SCOC: variants seen among roughly 807,000 people sequenced by gnomAD.
SCOC encodes short coiled coil protein.
SCOC carries 7 observed loss-of-function variants against 9.9 expected under a neutral mutation model. The observed-to-expected ratio is 0.71, with a 90% CI of 0.40 to 1.33. The LOEUF is 1.33. Among genes scored for constraint, SCOC ranks in the 40% most tolerant of loss-of-function variants. The probability of loss-of-function intolerance (pLI) is 0.01; values close to 1 mark genes in which losing one functional copy is unlikely to be tolerated. For synonymous variants in SCOC, 19 were observed against 28.2 expected (o/e 0.67, Z 1.03); for missense variants, 66 against 89.7 (o/e 0.74, Z 1.07).
intron 1 of SCOC, among the ~76,000 whole-genome samples, chr4:140,276,720 G>A (rs547208077): frequency 6.6e-6 from 1 of 152,178 alleles, no homozygotes; most frequent in Admixed American, 6.5e-5. Context: ...GCCTCCCAAA[G>A]TGCTGGGATT....
In SCOC at chr4:140,366,569, T is replaced by C. The variant is rs1404486971; in HGVS notation, c.71-12552T>C. On this transcript the variant is annotated intron_variant, in intron 2 of 4. Transcript: ENST00000338517. ...TCTGTCATCTTGGCTTTCCTTTCTC[T>C]GGCTTCAATCTTCTTGGCCCATCGT... 8 of 1,602,492 alleles carry C rather than the reference T, an allele frequency of 5.0e-6. No homozygotes were observed. The African/African-American group carries it at 5.4e-5, about 11-fold the overall frequency.
At chr4:140,300,652 C>T (rs1731786235) in intron 1 of SCOC, among the ~76,000 whole-genome samples, 1 of 152,166 alleles carries the variant, frequency 6.6e-6, no homozygotes, top group Non-Finnish European at 1.5e-5. Flanking sequence ...TTTGGTCTCT[C>T]TTGTATTGTT....
At chr4:140,291,006 C>G (rs1731454334) in intron 1 of SCOC, among the ~76,000 whole-genome samples, 2 of 152,160 alleles carry the variant, frequency 1.3e-5, no homozygotes, top group Non-Finnish European at 2.9e-5. Context: ...ACCCCAGAAG[C>G]CTGCATTATT....
chr4:140,366,217 T>C, intron 2 of SCOC: 1 of 729,306 alleles, frequency 1.4e-6, no homozygotes, highest in Non-Finnish European at 1.8e-6. Context: ...AGAACTTTTA[T>C]TACTTTTCTA....
At chr4:140,375,012 T>TG (rs1355206645) in intron 1 of SCOC, among the ~76,000 whole-genome samples, 4 of 152,236 alleles carry the variant, frequency 2.6e-5, no homozygotes, top group Non-Finnish European at 5.9e-5. Context: ...CAATTTTAGA[T>TG]GCAGAAAAGT....
chr4:140,307,890 C>T (rs1732038284), intron 1 of SCOC, among the ~76,000 whole-genome samples: 1 of 152,068 alleles, frequency 6.6e-6, no homozygotes, highest in South Asian at 2.1e-4. Flanking sequence ...TATTTTATCC[C>T]AAGAAGCTAA....
chr4:140,354,654 G>A (rs746863383), intron 2 of SCOC, among the ~76,000 whole-genome samples: 3 of 151,008 alleles, frequency 2.0e-5, no homozygotes, highest in Admixed American at 6.6e-5. Flanking sequence ...CGACAAATTC[G>A]TAACTAATTG....
At chr4:140,355,590 C>A (rs558238644) in intron 2 of SCOC, among the ~76,000 whole-genome samples, 104 of 152,172 alleles carry the variant, frequency 6.8e-4, no homozygotes, top group African/African-American at 2.5e-3. Context: ...TAGGTAGAAG[C>A]AATAAGGTGC....
intron 1 of SCOC, among the ~76,000 whole-genome samples, chr4:140,266,126 G>A (rs538043172): frequency 1.1e-4 from 16 of 152,284 alleles, no homozygotes; most frequent in Admixed American, 2.6e-4. Flanking sequence ...GAGGGAGAGC[G>A]TCTATTTACT....
At chr4:140,369,688 C>T (rs761139560), upstream of SCOC, among the ~76,000 whole-genome samples, 10 of 151,932 alleles carry the variant, frequency 6.6e-5, no homozygotes, top group Middle Eastern at 3.2e-3. Context: ...TAGGACTTCC[C>T]CCATTCTCTA....
intron 1 of SCOC, among the ~76,000 whole-genome samples, chr4:140,305,190 T>C (rs1034599403): frequency 1.3e-5 from 2 of 152,130 alleles, no homozygotes; most frequent in Non-Finnish European, 2.9e-5. Flanking sequence ...GGAGACTGCA[T>C]TCTACTGGGG....
At chr4:140,344,307 A>AAT (rs1449728116) in intron 2 of SCOC, among the ~76,000 whole-genome samples, 1 of 152,110 alleles carries the variant, frequency 6.6e-6, no homozygotes, top group African/African-American at 2.4e-5. Context: ...ACAAGCACCC[A>AAT]AGTCCTTGGG....
intron 1 of SCOC, among the ~76,000 whole-genome samples, chr4:140,332,727 C>T (rs1732853916): frequency 6.6e-6 from 1 of 152,102 alleles, no homozygotes; most frequent in Non-Finnish European, 1.5e-5. Context: ...TGGCAAATGC[C>T]TTTGGATCCA....
chr4:140,316,482 A>C (rs1234911616), intron 1 of SCOC, among the ~76,000 whole-genome samples: 2 of 152,228 alleles, frequency 1.3e-5, no homozygotes, highest in African/African-American at 4.8e-5. Context: ...TTGTAAGAAC[A>C]CACCTCTTGC....
At chr4:140,301,259 C>G (rs748598135) in intron 1 of SCOC, among the ~76,000 whole-genome samples, 1 of 152,098 alleles carries the variant, frequency 6.6e-6, no homozygotes, top group Non-Finnish European at 1.5e-5. Flanking sequence ...AAGTTCTAAA[C>G]CAGTAAGGTG....
chr4:140,287,787 T>C (rs1347608975), intron 1 of SCOC, among the ~76,000 whole-genome samples: 4 of 152,030 alleles, frequency 2.6e-5, no homozygotes, highest in African/African-American at 9.7e-5. Context: ...GTACCATGCA[T>C]GTAAACATAC....
intron 1 of SCOC, among the ~76,000 whole-genome samples, chr4:140,271,966 A>T (rs900690296): frequency 2.0e-5 from 3 of 152,078 alleles, no homozygotes; most frequent in African/African-American, 7.2e-5. Context: ...GGAGGCACCC[A>T]CAGAGATTAT....
chr4:140,305,473 C>A (rs1318310898), intron 1 of SCOC, among the ~76,000 whole-genome samples: 1 of 152,090 alleles, frequency 6.6e-6, no homozygotes, highest in Non-Finnish European at 1.5e-5. Flanking sequence ...TTCTATTGGC[C>A]AAATAGGAAA....
At chr4:140,308,636 T>G (rs1334544601) in intron 1 of SCOC, among the ~76,000 whole-genome samples, 1 of 152,214 alleles carries the variant, frequency 6.6e-6, no homozygotes, top group Non-Finnish European at 1.5e-5. Flanking sequence ...CTTGCCGGCT[T>G]GTCTGTGCAC....
Sources: gnomAD v4.1 joint callset for allele counts (sites outside exome capture counted in the v4.1 genomes callset) on GRCh38, gnomAD v4.1.1 for gene constraint, MANE v1.5 for transcripts, NCBI Gene and HGNC (gene_info 2026-07-23, HGNC 2026-07-21) for gene names.